The following TRIP10 variants were observed in gnomAD, a reference collection of about 807,000 sequenced individuals.
TRIP10 encodes thyroid hormone receptor interactor 10, also known as cdc42-interacting protein 4.
In TRIP10, 54 loss-of-function variants were observed where a neutral mutation model predicts 80.9. That is an observed-to-expected ratio of 0.67 (90% CI 0.54 to 0.84). The LOEUF (loss-of-function observed/expected upper bound fraction) is 0.84. Ranked by LOEUF, TRIP10 falls within the 40% of genes least tolerant of loss-of-function variation. The pLI, the probability that TRIP10 is intolerant of heterozygous loss-of-function variation, is 0.00. For synonymous variants in TRIP10, 321 were observed against 307.2 expected, an observed-to-expected ratio of 1.04 and a Z score of -0.47; for missense variants, 773 against 815.3, an observed-to-expected ratio of 0.95 and a Z score of 0.63.
chr19:6,750,131 T>TGGG, intron 12 of TRIP10, 65 bp downstream of exon 12: 1 of 173,978 alleles, frequency 5.7e-6, no homozygotes, highest in Admixed American at 1.1e-4. Flanking sequence ...CTGGGTGGGG[T>TGGG]GGGGGGTCGG....
rs559639635 is a variant in TRIP10, at chr19:6,751,380, C to T, written c.*169C>T. 60 of 1,377,854 alleles carry T rather than the reference C, an allele frequency of 4.4e-5. No individual in the cohort carries two copies. The highest frequency in any genetic ancestry group is 4.7e-4 in the Middle Eastern group (2 of 4,240). The allele number at this position is 1,377,854 out of a possible 1,614,324, so 85.4% of individuals were successfully genotyped here. A position where few individuals can be genotyped will look rare whatever the true frequency, so the allele number is the denominator to read the frequency against. Reference sequence around the variant, plus strand: ...TCCTACCTGTCACACCGGACGGACCCGCTGTGCCTTCTACCATCGTTCCAC... The same window carrying T: ...TCCTACCTGTCACACCGGACGGACCTGCTGTGCCTTCTACCATCGTTCCAC... On this transcript the variant is annotated 3_prime_UTR_variant, in exon 15 of 15. Coordinates refer to ENST00000313244, the MANE Select transcript of TRIP10 (RefSeq NM_001288962.2).
chr19:6,750,544 A>G lies in TRIP10; in HGVS notation c.1568A>G (p.Asp523Gly). The G allele has an allele frequency of 1.2e-6, 2 of 1,614,184 alleles. No homozygotes were observed. The highest frequency in any genetic ancestry group is 1.7e-6 in the Non-Finnish European group (2 of 1,180,030). The stretch of plus-strand genomic sequence containing the variant: ...GAGCCTCCCTCAGAAGAGAGCCAGG[A>G]CACCCCCATTTACACGGAGTTTGAT... Reference protein sequence around the residue: ...SEEPPSEESQDTPIYTEFDED... With the variant: ...SEEPPSEESQGTPIYTEFDED... Residue 523 changes from aspartate (D) to glycine (G), a missense_variant, in exon 14 of 15, where the codon GAC becomes GGC. Asp to Gly is a moderately conservative substitution (Grantham distance 94, BLOSUM62 -1). Transcript: ENST00000313244.
chr19:6,743,124 C>T lies in TRIP10; in HGVS notation c.345+10C>T. 1.2e-6 allele frequency: 2 copies of T among 1,614,056 alleles called. No homozygotes were observed. Among genetic ancestry groups the T allele is most frequent in the African/African-American group, 1.3e-5 (1 of 75,010 alleles). On this transcript the variant is annotated intron_variant, in intron 4 of 14. Transcript: ENST00000313244. ...ACAGGAGAGGAAGATGGTGAGGAGC[C>T]CCCCGATTCAGGTTTTACAAAGGGC...
chr19:6,739,822 C>A, intron 1 of TRIP10, 37 bp downstream of exon 1: 1 of 1,440,298 alleles, frequency 6.9e-7, no homozygotes, highest in Non-Finnish European at 9.2e-7. Flanking sequence ...TTCCCCTTTG[C>A]TGGGGTCCAG....
Position 6,746,606 on chromosome 19 carries a change from A to G in TRIP10, c.1262+45A>G, listed in dbSNP as rs772003748. The G allele has an allele frequency of 7.9e-6, 11 of 1,389,820 alleles. No homozygotes were observed. The Admixed American group carries it at 2.0e-4, about 25-fold the overall frequency. The allele number at this position is 1,389,820 out of a possible 1,614,324, so 86.1% of individuals were successfully genotyped here. A position where few individuals can be genotyped will look rare whatever the true frequency, so the allele number is the denominator to read the frequency against. ...AAGGACAGGCAAGGAACATGATAAA[A>G]TAGTAAATGAACTTCACTTATTTGT... On this transcript the variant is annotated intron_variant, in intron 11 of 14. Transcript: ENST00000313244. This position sits in a 1 kb window ranked among gnomAD's most constrained non-coding sequence, Gnocchi z 6.2.
Position 6,750,056 on chromosome 19 carries a change from A to T in TRIP10, c.1385A>T (p.Gln462Leu). The T allele has an allele frequency of 6.4e-7, 1 of 1,568,306 alleles. No individual in the cohort carries two copies. Among genetic ancestry groups the T allele is most frequent in the Non-Finnish European group, 8.7e-7 (1 of 1,151,384 alleles). ...SNIERLKLEV[Q>L]KYEAWLAEAE... ...ATTGAACGGCTGAAATTGGAAGTGC[A>T]GAAGTATGAGGTCAGGAAAGACCCT... Residue 462 changes from glutamine (Q) to leucine (L), a missense_variant, in exon 12 of 15, where the codon CAG becomes CTG. Physicochemically the swap from Gln to Leu is moderately radical, Grantham distance 113. Transcript: ENST00000313244.
In TRIP10 at chr19:6,744,349, C is replaced by T. The variant is rs922469217; in HGVS notation, c.643-205C>T. Among the ~76,000 whole-genome samples the T allele has an allele frequency of 7.2e-5, 11 of 152,292 alleles. No individual in the cohort carries two copies. The highest frequency in any genetic ancestry group is 1.9e-4 in the African/African-American group (8 of 41,556). ...GAAGCCTTTGCTGACCCCCTAGGCA[C>T]GCGTCCCCCTCTGAGATCCCCCTGG... On this transcript the variant is annotated intron_variant, in intron 7 of 14. Transcript: ENST00000313244. The surrounding 1 kb of genome is among the most constrained non-coding windows in gnomAD (Gnocchi z 4.9).
intron 11 of TRIP10, chr19:6,748,315 T>C (rs1484165184): frequency 6.6e-6 from 1 of 152,214 alleles, no homozygotes; most frequent in African/African-American, 2.4e-5. Flanking sequence ...ATGGCTTTTA[T>C]TGGTGTAAAG....
In TRIP10 at chr19:6,739,725, GTGCGGTGGTGGC is replaced by G. The variant is rs1968850108; in HGVS notation, c.-31_-20del. The G allele has an allele frequency of 3.7e-6, 5 of 1,342,828 alleles. No individual in the cohort carries two copies. The highest frequency in any genetic ancestry group is 4.8e-6 in the Non-Finnish European group (5 of 1,040,788). 83.2% of individuals were successfully genotyped at this position (1,342,828 alleles called of 1,614,324 possible). A position where few individuals can be genotyped will look rare whatever the true frequency, so the allele number is the denominator to read the frequency against. ...GCGGGCGGCGGGCGGCGGGGACCGG[GTGCGGTGGTGGC>G]TGCGGCGGCGGCGGCGGGAGCAGCA... On this transcript the variant is annotated 5_prime_UTR_variant, in exon 1 of 15. Coordinates refer to ENST00000313244, the MANE Select transcript of TRIP10 (RefSeq NM_001288962.2).
Position 6,750,558 on chromosome 19 carries a change from A to G in TRIP10, c.1582A>G (p.Thr528Ala). ...AGAGAGCCAGGACACCCCCATTTAC[A>G]CGGAGTTTGATGAGGATTTCGAGGA... ...SEESQDTPIY[T>A]EFDEDFEEEP... The change falls in exon 14 of 15, where the codon ACG becomes GCG. Residue 528 changes from threonine (T) to alanine (A), a missense_variant. Physicochemically the swap from Thr to Ala is moderately conservative, Grantham distance 58. Transcript: ENST00000313244. The G allele has an allele frequency of 6.2e-7, 1 of 1,614,134 alleles. No individual in the cohort carries two copies. The highest frequency in any genetic ancestry group is 8.5e-7 in the Non-Finnish European group (1 of 1,180,008).
chr19:6,749,890 C>T (rs773838093), intron 11 of TRIP10, 44 bp from the exon 12 acceptor site: 1 of 1,586,716 alleles, frequency 6.3e-7, no homozygotes, highest in Non-Finnish European at 8.6e-7. Flanking sequence ...AAAAAACTCA[C>T]ACGGAAGTAT....
In TRIP10 at chr19:6,739,729, GGTGGTGGCTGC is replaced by G; in HGVS notation, c.-31_-21del. 1 of 1,354,876 alleles carries G rather than the reference GGTGGTGGCTGC, an allele frequency of 7.4e-7. No homozygotes were observed. The highest frequency in any genetic ancestry group is 2.1e-5 in the South Asian group (1 of 47,764). The allele number at this position is 1,354,876 out of a possible 1,614,324, so 83.9% of individuals were successfully genotyped here. ...GCGGCGGGCGGCGGGGACCGGGTGC[GGTGGTGGCTGC>G]GGCGGCGGCGGCGGGAGCAGCATGG... On this transcript the variant is annotated 5_prime_UTR_variant, in exon 1 of 15. Transcript: ENST00000313244.
chr19:6,751,452 G>C lies in TRIP10; in HGVS notation c.*241G>C. The stretch of plus-strand genomic sequence containing the variant: ...TTTACATCTTTTCTTTCTGCCGCTC[G>C]GCTCCGGCCATTTTGTTTTATACAA... On this transcript the variant is annotated 3_prime_UTR_variant, in exon 15 of 15. Transcript: ENST00000313244. 1 of 1,015,080 alleles carries C rather than the reference G, an allele frequency of 9.9e-7. No individual in the cohort carries two copies. The highest frequency in any genetic ancestry group is 1.3e-6 in the Non-Finnish European group (1 of 771,212). The allele number at this position is 1,015,080 out of a possible 1,614,324, so 62.9% of individuals were successfully genotyped here. A position where few individuals can be genotyped will look rare whatever the true frequency, so the allele number is the denominator to read the frequency against.
At chr19:6,740,103 C>T (rs1208337628) in intron 1 of TRIP10, among the ~76,000 whole-genome samples, 1 of 152,180 alleles carries the variant, frequency 6.6e-6, no homozygotes, top group Non-Finnish European at 1.5e-5. Context: ...GGGCAGGCGG[C>T]TTATCTTACG....
chr19:6,750,708 A>C (rs1969268288), intron 14 of TRIP10, 75 bp downstream of exon 14: 3 of 1,582,966 alleles, frequency 1.9e-6, no homozygotes, highest in Non-Finnish European at 1.7e-6. Flanking sequence ...AAATTCGCCT[A>C]AAGCAGGGCT....
At chr19:6,747,904 TCAAGG>T (rs1969185035) in intron 11 of TRIP10, among the ~76,000 whole-genome samples, 1 of 151,518 alleles carries the variant, frequency 6.6e-6, no homozygotes, top group Non-Finnish European at 1.5e-5. Flanking sequence ...GCCTAGGAGT[TCAAGG>T]CCAGCCTGGG....
In TRIP10 at chr19:6,744,024, T is replaced by A; in HGVS notation, c.642+188T>A. On this transcript the variant is annotated intron_variant, in intron 7 of 14. Transcript: ENST00000313244. The surrounding 1 kb of genome is among the most constrained non-coding windows in gnomAD (Gnocchi z 4.9). ...TCCTGCTGGGCATGCCTTTTACTTG[T>A]TTGTTTATTTACTTCTATAGAGAGA... The A allele has an allele frequency of 1.3e-6, 1 of 796,568 alleles. No homozygotes were observed. Among genetic ancestry groups the A allele is most frequent in the Non-Finnish European group, 1.9e-6 (1 of 518,384 alleles). The allele number at this position is 796,568 out of a possible 1,614,324, so 49.3% of individuals were successfully genotyped here. A position where few individuals can be genotyped will look rare whatever the true frequency, so the allele number is the denominator to read the frequency against.
In TRIP10 at chr19:6,741,111, C is replaced by T; in HGVS notation, c.126C>T (p.Tyr42=). 1.2e-6 allele frequency: 2 copies of T among 1,614,204 alleles called. No individual in the cohort carries two copies. Among genetic ancestry groups the T allele is most frequent in the Non-Finnish European group, 1.7e-6 (2 of 1,180,024 alleles). The change falls in exon 2 of 15, where the codon TAC becomes TAT. Residue 42 remains tyrosine, a synonymous_variant. Transcript: ENST00000313244. ...AACGCACCGAAGTGGAACAGGCTTA[C>T]GCCAAACAACTGCGGTGAGACCCTG... ...VKERTEVEQA[Y]AKQLRSLVKK...
In TRIP10 at chr19:6,745,113, T is replaced by C; in HGVS notation, c.984+119T>C. The C allele has an allele frequency of 7.4e-7, 1 of 1,352,432 alleles. No individual in the cohort carries two copies. The highest frequency in any genetic ancestry group is 9.8e-7 in the Non-Finnish European group (1 of 1,023,402). 83.8% of individuals were successfully genotyped at this position (1,352,432 alleles called of 1,614,324 possible). A position where few individuals can be genotyped will look rare whatever the true frequency, so the allele number is the denominator to read the frequency against. ...CGAGTCTCGGGCAGGAATTTTCCTC[T>C]TGGCTGCCAGCCCGGACTGGAGGGA... is the stretch of plus-strand genomic sequence containing the variant. On this transcript the variant is annotated intron_variant, in intron 9 of 14. Transcript: ENST00000313244. This position sits in a 1 kb window ranked among gnomAD's most constrained non-coding sequence, Gnocchi z 7.2.
Sources: allele counts gnomAD v4.1 joint callset (sites outside exome capture counted in the v4.1 genomes callset), GRCh38; gene constraint gnomAD v4.1.1; non-coding constraint Gnocchi (gnomAD v3.1); transcripts MANE v1.5; gene names NCBI Gene and HGNC (gene_info 2026-07-23, HGNC 2026-07-21).